FHIT: variants seen among roughly 807,000 people sequenced by gnomAD.
The protein encoded by FHIT is fragile histidine triad diadenosine triphosphatase.
In FHIT, 19 loss-of-function variants were observed where a neutral mutation model predicts 17.9. The observed-to-expected ratio is 1.06, with a 90% CI of 0.74 to 1.56. The LOEUF (loss-of-function observed/expected upper bound fraction) is 1.56. FHIT is among the 40% of genes most tolerant of loss of function. The probability of loss-of-function intolerance (pLI) is 0.00; values close to 1 mark genes in which losing one functional copy is unlikely to be tolerated. For synonymous variants in FHIT, 81 were observed against 69.7 expected, an observed-to-expected ratio of 1.16 and a Z score of -0.81; for missense variants, 248 against 189.2, an observed-to-expected ratio of 1.31 and a Z score of -1.82.
In FHIT at chr3:60,255,212, T is replaced by TC. The variant is rs200417798; in HGVS notation, c.104-241061dup. 3.9e-3 allele frequency among the ~76,000 whole-genome samples: 598 copies of TC among 152,306 alleles called. 12 individuals are homozygous for TC. Among genetic ancestry groups the TC allele is most frequent in the Admixed American group, 0.035 (539 of 15,304 alleles). On this transcript the variant is annotated intron_variant, in intron 5 of 9. Coordinates refer to ENST00000492590, the MANE Select transcript of FHIT (RefSeq NM_002012.4). ...TTAATAGATATGGCATGTTTGTTTT[T>TC]CTCACTGAGGTGTAAACAACTCTAT...
At chr3:60,242,602 A>G (rs1442076652) in intron 5 of FHIT, among the ~76,000 whole-genome samples, 2 of 152,068 alleles carry the variant, frequency 1.3e-5, no homozygotes, top group African/African-American at 2.4e-5. Flanking sequence ...GACTGCTTAG[A>G]TAACTCCAAT....
intron 3 of FHIT, among the ~76,000 whole-genome samples, chr3:60,837,651 T>C (rs1478659052): frequency 6.6e-6 from 1 of 152,282 alleles, no homozygotes; most frequent in East Asian, 1.9e-4. Context: ...TTATTTTTTG[T>C]TTATTTTCTG....
intron 5 of FHIT, among the ~76,000 whole-genome samples, chr3:60,269,295 T>C (rs1337388999): frequency 6.6e-6 from 1 of 152,234 alleles, no homozygotes; most frequent in Non-Finnish European, 1.5e-5. Context: ...ATTGGGAACC[T>C]TTGGTTGATG....
At chr3:61,087,970 G>T (rs1268809237) in intron 2 of FHIT, among the ~76,000 whole-genome samples, 1 of 149,070 alleles carries the variant, frequency 6.7e-6, no homozygotes, top group Non-Finnish European at 1.5e-5. Context: ...AGAGAACTGA[G>T]AGGCCGGATC....
chr3:59,772,420 CTG>C (rs1702113790), intron 8 of FHIT, among the ~76,000 whole-genome samples: 1 of 151,940 alleles, frequency 6.6e-6, no homozygotes, highest in Non-Finnish European at 1.5e-5. Context: ...TGAACACTGA[CTG>C]TGTGCAAACA....
At chr3:60,960,932 C>G (rs887463240) in intron 3 of FHIT, among the ~76,000 whole-genome samples, 1 of 152,142 alleles carries the variant, frequency 6.6e-6, no homozygotes, top group Non-Finnish European at 1.5e-5. Context: ...ATTTATAATC[C>G]TTTTGGTAAA....
chr3:60,005,503 T>A (rs1699891179), intron 7 of FHIT, among the ~76,000 whole-genome samples: 1 of 152,054 alleles, frequency 6.6e-6, no homozygotes, highest in African/African-American at 2.4e-5. Context: ...GGAAAAGGGC[T>A]TGGAACCTCA....
At chr3:60,085,205 A>G (rs4145506) in intron 5 of FHIT, among the ~76,000 whole-genome samples, 33,709 of 152,062 alleles carry the variant, frequency 0.22, 4,461 homozygotes, top group Non-Finnish European at 0.3. Flanking sequence ...AATTCCTTAT[A>G]AACTAGACAG....
intron 4 of FHIT, chr3:60,553,213 A>T (rs1046046210): frequency 6.5e-6 from 1 of 153,856 alleles, no homozygotes; most frequent in Admixed American, 6.6e-5. Context: ...AAGTTTGGTG[A>T]TGTTTTTGTG....
At chr3:60,830,258 T>C (rs1221142158) in intron 3 of FHIT, among the ~76,000 whole-genome samples, 1 of 151,736 alleles carries the variant, frequency 6.6e-6, no homozygotes, top group Non-Finnish European at 1.5e-5. Flanking sequence ...CTAAGGACCA[T>C]AAAGGGTAAA....
intron 7 of FHIT, among the ~76,000 whole-genome samples, chr3:59,992,766 T>C (rs1319637608): frequency 6.6e-6 from 1 of 152,024 alleles, no homozygotes; most frequent in Non-Finnish European, 1.5e-5. Context: ...GACATTGACA[T>C]GCAGCTTAGT....
intron 4 of FHIT, among the ~76,000 whole-genome samples, chr3:60,543,814 G>A (rs1391179404): frequency 1.3e-5 from 2 of 150,460 alleles, no homozygotes; most frequent in Non-Finnish European, 1.5e-5. Context: ...GCGCAATCTC[G>A]GCTCACTGTA....
intron 5 of FHIT, among the ~76,000 whole-genome samples, chr3:60,276,836 C>G (rs781746908): frequency 6.6e-6 from 1 of 151,948 alleles, no homozygotes; most frequent in Non-Finnish European, 1.5e-5. Context: ...AGAGGAAGTC[C>G]CAGCCTCTTT....
chr3:61,128,936 T>C (rs144307692), intron 2 of FHIT, among the ~76,000 whole-genome samples: 1 of 152,294 alleles, frequency 6.6e-6, no homozygotes, highest in East Asian at 1.9e-4. Flanking sequence ...AATATGTTCT[T>C]ACTTAGGAAA....
intron 5 of FHIT, among the ~76,000 whole-genome samples, chr3:60,405,553 T>A (rs142720874): frequency 2.6e-5 from 4 of 152,326 alleles, no homozygotes; most frequent in African/African-American, 9.6e-5. Flanking sequence ...TGGGAACCAG[T>A]GTGCAAGCCA....
intron 5 of FHIT, among the ~76,000 whole-genome samples, chr3:60,488,646 C>A (rs430270): frequency 0.31 from 47,114 of 151,912 alleles, 8,472 homozygotes; most frequent in East Asian, 0.48. Context: ...ATATTTCAAT[C>A]TTTTAATTAC....
intron 4 of FHIT, among the ~76,000 whole-genome samples, chr3:60,715,613 G>A (rs1333858601): frequency 1.7e-5 from 2 of 119,544 alleles, no homozygotes; most frequent in Non-Finnish European, 3.2e-5. Context: ...ACACTCTGGG[G>A]ACTGTTGTGG....
chr3:61,156,496 C>T (rs563475033), intron 2 of FHIT, among the ~76,000 whole-genome samples: 42 of 152,154 alleles, frequency 2.8e-4, no homozygotes, highest in Non-Finnish European at 5.3e-4. Flanking sequence ...TATCTCTCCA[C>T]CAAGAACCCA....
rs1350111111 is a variant in FHIT, at chr3:60,176,786, C to T, written c.104-162634G>A. ...GAGGAAGCTGGTTTAATGAAAAGAG[C>T]TGCGTCAATCATGAGCCGATGGAAG... is the stretch of plus-strand genomic sequence containing the variant. On this transcript the variant is annotated intron_variant, in intron 5 of 9. Transcript: ENST00000492590. Among the ~76,000 whole-genome samples the T allele has an allele frequency of 3.3e-5, 5 of 152,156 alleles. No individual in the cohort carries two copies. In the East Asian group the frequency reaches 9.6e-4, roughly 29 times the overall value.
Sources: allele counts gnomAD v4.1 joint callset (sites outside exome capture counted in the v4.1 genomes callset), GRCh38; gene constraint gnomAD v4.1.1; transcripts MANE v1.5; gene names NCBI Gene and HGNC (gene_info 2026-07-23, HGNC 2026-07-21).